The following TRPV2 variants were observed in gnomAD, a reference collection of about 807,000 sequenced individuals.
TRPV2 encodes the protein OTRPC2.
TRPV2 carries 58 observed loss-of-function variants against 91.0 expected under a neutral mutation model. The ratio of observed to expected loss-of-function variants is 0.64; its 90% CI spans 0.52 to 0.79. The LOEUF (loss-of-function observed/expected upper bound fraction) is 0.79, where lower values mean the gene tolerates loss of function less well. Among genes scored for constraint, TRPV2 ranks in the 30% least tolerant of loss-of-function variants. TRPV2 has a pLI of 0.00. For missense variants in TRPV2, 807 were observed against 969.6 expected, an observed-to-expected ratio of 0.83 and a Z score of 2.23; for synonymous variants, 417 against 414.8, an observed-to-expected ratio of 1.01 and a Z score of -0.06.
At position 16,431,781 on chromosome 17, in the gene TRPV2, C is replaced by T. The variant is rs2142998396; in HGVS notation, c.1588-3C>T. Reference sequence around the variant, plus strand: ...CCCTGGCCCCTGGGCACATGTGTTCCAGGTCATCCTGCGGGACCTGCTGCG... The same window carrying T: ...CCCTGGCCCCTGGGCACATGTGTTCTAGGTCATCCTGCGGGACCTGCTGCG... On this transcript the variant is annotated splice_region_variant and splice_polypyrimidine_tract_variant and intron_variant, in intron 10 of 14. Transcript: ENST00000338560. The T allele has an allele frequency of 6.2e-7, 1 of 1,614,066 alleles. No homozygotes were observed. The highest frequency in any genetic ancestry group is 2.2e-5 in the East Asian group (1 of 44,866).
intron 5 of TRPV2, among the ~76,000 whole-genome samples, chr17:16,424,448 C>A (rs990970734): frequency 2.0e-5 from 3 of 152,000 alleles, no homozygotes; most frequent in Non-Finnish European, 4.4e-5. Context: ...GCACGCGCCA[C>A]TGCACCCAGC....
At chr17:16,427,771 G>T (rs2093390604) in intron 8 of TRPV2, among the ~76,000 whole-genome samples, 1 of 152,156 alleles carries the variant, frequency 6.6e-6, no homozygotes, top group South Asian at 2.1e-4. Context: ...TAGCTTCTCT[G>T]ATTCCTTGGC....
At chr17:16,416,274 G>C (rs542781286) in intron 1 of TRPV2, 1 of 153,066 alleles carries the variant, frequency 6.5e-6, no homozygotes, top group Non-Finnish European at 1.5e-5. Context: ...CCAGGGCCTG[G>C]TCCCAGCCTA....
At position 16,426,353 on chromosome 17, in the gene TRPV2, C is replaced by T. The variant is rs2142994345; in HGVS notation, c.1095+84C>T. ...CACAAATTGGGGCTGCCTGCTGGACCATATCTGCCCCATTCCTGTGCCAGT... is the reference window on the plus strand; with the variant it reads ...CACAAATTGGGGCTGCCTGCTGGACTATATCTGCCCCATTCCTGTGCCAGT... On this transcript the variant is annotated intron_variant, in intron 6 of 14. Transcript: ENST00000338560. This position sits in a 1 kb window ranked among gnomAD's most constrained non-coding sequence, Gnocchi z 6.0. 2 of 1,498,818 alleles carry T rather than the reference C, an allele frequency of 1.3e-6. No individual in the cohort carries two copies. The highest frequency in any genetic ancestry group is 1.4e-5 in the African/African-American group (1 of 72,568). The allele number at this position is 1,498,818 out of a possible 1,614,324, so 92.8% of individuals were successfully genotyped here.
At chr17:16,422,322 CAAA>C (rs5819570) in intron 3 of TRPV2, among the ~76,000 whole-genome samples, 10 of 92,776 alleles carry the variant, frequency 1.1e-4, no homozygotes, top group Admixed American at 1.2e-4. Context: ...GACTCTGTCT[CAAA>C]AAAAAAAAAA....
At chr17:16,420,894 G>C (rs914443011) in intron 3 of TRPV2, among the ~76,000 whole-genome samples, 2 of 152,176 alleles carry the variant, frequency 1.3e-5, no homozygotes, top group African/African-American at 4.8e-5. Context: ...GGGATTACAG[G>C]TGTGAGCCAC....
rs376008605 is a variant in TRPV2, at chr17:16,428,892, T to C, written c.1497T>C (p.Leu499=). ...FLAIEWYLPL[L]VSALVLGWLN... ...CCATCGAGTGGTACCTGCCCCTGCT[T>C]GTGTCTGCGCTGGTGCTGGGCTGGC... The change falls in exon 10 of 15, where the codon CTT becomes CTC. Residue 499 remains leucine (L), a synonymous_variant. Transcript: ENST00000338560. The C allele has an allele frequency of 1.2e-6, 2 of 1,614,054 alleles. No homozygotes were observed. Among genetic ancestry groups the C allele is most frequent in the African/African-American group, 2.7e-5 (2 of 74,936 alleles).
chr17:16,427,552 G>A lies in TRPV2; in HGVS notation c.1350+5G>A, dbSNP rs1010644768. On this transcript the variant is annotated splice_donor_5th_base_variant and intron_variant, in intron 8 of 14. Coordinates refer to ENST00000338560, the MANE Select transcript of TRPV2 (RefSeq NM_016113.5). ...ATCTACCTCCTCGTGGGCCAGGTGA[G>A]TGCCCCTCCCCTTCTCCTACCAAGA... 7.5e-6 allele frequency: 12 copies of A among 1,608,160 alleles called. No homozygotes were observed. The highest frequency in any genetic ancestry group is 1.0e-5 in the Non-Finnish European group (12 of 1,176,352).
chr17:16,426,038 T>C lies in TRPV2; in HGVS notation c.925-61T>C. 1 of 1,590,630 alleles carries C rather than the reference T, an allele frequency of 6.3e-7. No homozygotes were observed. Among genetic ancestry groups the C allele is most frequent in the Middle Eastern group, 1.7e-4 (1 of 6,008 alleles). ...GCTGAGTCCTGGGTGTTTCCCAGCC[T>C]TGGCCCAGGATCAGTGCCAGGAAGG... On this transcript the variant is annotated intron_variant, in intron 5 of 14. Transcript: ENST00000338560. The surrounding 1 kb of genome is among the most constrained non-coding windows in gnomAD (Gnocchi z 6.0).
At position 16,426,327 on chromosome 17, in the gene TRPV2, CCA is replaced by C; in HGVS notation, c.1095+61_1095+62del. Reference sequence around the variant, plus strand: ...GACCCAGCAGAGTTTCCAGCAAGGTCCACAAATTGGGGCTGCCTGCTGGACCA... The same window carrying C: ...GACCCAGCAGAGTTTCCAGCAAGGTCCAAATTGGGGCTGCCTGCTGGACCA... On this transcript the variant is annotated intron_variant, in intron 6 of 14. Transcript: ENST00000338560. This position sits in a 1 kb window ranked among gnomAD's most constrained non-coding sequence, Gnocchi z 6.0. The C allele has an allele frequency of 1.3e-6, 2 of 1,591,310 alleles. No homozygotes were observed. The highest frequency in any genetic ancestry group is 1.7e-6 in the Non-Finnish European group (2 of 1,165,902).
At chr17:16,428,690 G>A in intron 9 of TRPV2, 127 bp from the exon 10 acceptor site, 1 of 1,038,218 alleles carries the variant, frequency 9.6e-7, no homozygotes, top group Non-Finnish European at 1.4e-6. Flanking sequence ...CAGTGGGAGG[G>A]AACTGAGGCC....
rs776516734 is a variant in TRPV2, at chr17:16,432,196, T to G, written c.1885T>G (p.Tyr629Asp). 1 of 1,614,244 alleles carries G rather than the reference T, an allele frequency of 6.2e-7. No homozygotes were observed. The highest frequency in any genetic ancestry group is 1.3e-5 in the African/African-American group (1 of 75,080). Reference protein sequence around the residue: ...RGMVLLLLLAYVLLTYILLLN... With the variant: ...RGMVLLLLLADVLLTYILLLN... The stretch of plus-strand genomic sequence containing the variant: ...CATGGTGCTGCTGCTGCTGCTGGCC[T>G]ACGTGCTGCTCACCTACATCCTGCT... The change falls in exon 12 of 15, where the codon TAC (tyrosine) becomes GAC (aspartate). Residue 629 changes from tyrosine to aspartate, a missense_variant. Physicochemically the swap from Tyr to Asp is radical, Grantham distance 160. Coordinates refer to ENST00000338560, the MANE Select transcript of TRPV2 (RefSeq NM_016113.5).
chr17:16,432,805 C>CTTTT (rs549732624), intron 12 of TRPV2, among the ~76,000 whole-genome samples: 2 of 135,456 alleles, frequency 1.5e-5, no homozygotes, highest in African/African-American at 5.4e-5. Flanking sequence ...TCCAGTGTTT[C>CTTTT]TTTTTTTTTT....
At chr17:16,421,002 C>G (rs1600960814) in intron 3 of TRPV2, among the ~76,000 whole-genome samples, 1 of 152,332 alleles carries the variant, frequency 6.6e-6, no homozygotes, top group East Asian at 1.9e-4. Flanking sequence ...TTTTCCTCCA[C>G]TTAATACATC....
rs377338208 is a variant in TRPV2, at chr17:16,431,870, C to T, written c.1654+20C>T. The T allele has an allele frequency of 6.2e-7, 1 of 1,614,008 alleles. No homozygotes were observed. The highest frequency in any genetic ancestry group is 1.1e-5 in the South Asian group (1 of 91,072). On this transcript the variant is annotated intron_variant, in intron 11 of 14. Transcript: ENST00000338560. ...CTGTAGGTAAAGGCTCCCTCCGGCC[C>T]CCTCCCCCTTCCCCACGTTCCTTGT...
At chr17:16,417,493 C>G (rs1379419408) in intron 1 of TRPV2, 69 bp from the exon 2 acceptor site, 3 of 604,904 alleles carry the variant, frequency 5.0e-6, no homozygotes, top group Non-Finnish European at 8.5e-6. Flanking sequence ...CTCAGCCTCC[C>G]AAAGTGCTGG....
Position 16,432,199 on chromosome 17 carries a change from G to GTGCTGCTCACCTACATCC in TRPV2, c.1898_1915dup (p.Thr633_Leu638dup). On this transcript the variant is annotated inframe_insertion, in exon 12 of 15. Transcript: ENST00000338560. ...GGTGCTGCTGCTGCTGCTGGCCTACGTGCTGCTCACCTACATCCTGCTGCT... is the reference window on the plus strand; with the variant it reads ...GGTGCTGCTGCTGCTGCTGGCCTACGTGCTGCTCACCTACATCCTGCTGCTCACCTACATCCTGCTGCT... 1.2e-6 allele frequency: 2 copies of GTGCTGCTCACCTACATCC among 1,614,206 alleles called. No individual in the cohort carries two copies. The highest frequency in any genetic ancestry group is 1.3e-5 in the African/African-American group (1 of 75,068).
chr17:16,436,732 C>G (rs1470085651), intron 14 of TRPV2, 57 bp from the exon 15 acceptor site: 1 of 1,317,938 alleles, frequency 7.6e-7, no homozygotes, highest in African/African-American at 1.4e-5. Flanking sequence ...TCCCTGGTGC[C>G]TGCTTCCTGG....
Position 16,420,167 on chromosome 17 carries a change from C to A in TRPV2, c.253C>A (p.Arg85=). The change falls in exon 3 of 15, where the codon CGG becomes AGG. Residue 85 remains arginine, a synonymous_variant. Coordinates refer to ENST00000338560, the MANE Select transcript of TRPV2 (RefSeq NM_016113.5). ...DRDRLFNAVS[R]GVPEDLAGLP... ...AGATCGGCTCTTCAATGCGGTCTCC[C>A]GGGGTGTCCCCGAGGATCTGGCTGG... 1.9e-6 allele frequency: 3 copies of A among 1,614,158 alleles called. No homozygotes were observed. Among genetic ancestry groups the A allele is most frequent in the Non-Finnish European group, 2.5e-6 (3 of 1,179,988 alleles).
Sources: allele counts gnomAD v4.1 joint callset (sites outside exome capture counted in the v4.1 genomes callset), GRCh38; gene constraint gnomAD v4.1.1; non-coding constraint Gnocchi (gnomAD v3.1); transcripts MANE v1.5; gene names NCBI Gene and HGNC (gene_info 2026-07-23, HGNC 2026-07-21).